Variants in NKAIN3 observed in about 807,000 individuals in gnomAD.
NKAIN3 encodes the protein sodium/potassium transporting ATPase interacting 3, also known as sodium/potassium-transporting ATPase subunit beta-1-interacting protein 3.
A neutral mutation model predicts 30.2 loss-of-function variants in NKAIN3; 25 were observed. The observed-to-expected ratio is 0.83, with a 90% CI of 0.60 to 1.16. The LOEUF is 1.16. Ranked by LOEUF, NKAIN3 falls within the 50% of genes most tolerant of loss-of-function variation. NKAIN3 has a pLI of 0.00. For missense variants in NKAIN3, 225 were observed against 254.1 expected (o/e 0.89, Z 0.78); for synonymous variants, 91 against 89.6 (o/e 1.02, Z -0.09).
chr8:62,676,092 T>C (rs1813466929), intron 3 of NKAIN3, among the ~76,000 whole-genome samples: 1 of 152,220 alleles, frequency 6.6e-6, no homozygotes, highest in African/African-American at 2.4e-5. Flanking sequence ...ATATTTCATT[T>C]AATGTTCACA....
At chr8:62,509,436 G>A (rs927548142) in intron 1 of NKAIN3, among the ~76,000 whole-genome samples, 1 of 151,962 alleles carries the variant, frequency 6.6e-6, no homozygotes, top group Admixed American at 6.6e-5. Flanking sequence ...AGCTTCCCCT[G>A]TCTGCTCCTT....
At chr8:62,949,914 C>T (rs186415772) in intron 5 of NKAIN3, among the ~76,000 whole-genome samples, 5 of 152,242 alleles carry the variant, frequency 3.3e-5, no homozygotes, top group Non-Finnish European at 5.9e-5. Flanking sequence ...TTATTCCAAC[C>T]TTCCTTTTCT....
chr8:62,904,149 C>A (rs1011514325), intron 4 of NKAIN3, among the ~76,000 whole-genome samples: 1 of 152,112 alleles, frequency 6.6e-6, no homozygotes, highest in Non-Finnish European at 1.5e-5. Flanking sequence ...TGTTTATCAT[C>A]CTGACTTAGG....
At chr8:62,807,310 C>T (rs1415147909) in intron 4 of NKAIN3, among the ~76,000 whole-genome samples, 6 of 152,046 alleles carry the variant, frequency 3.9e-5, no homozygotes, top group Non-Finnish European at 2.9e-5. Context: ...TCTCCATTAC[C>T]CCTCAAGTTG....
In NKAIN3 at chr8:62,813,719, C is replaced by G. The variant is rs971122992; in HGVS notation, c.471+66590C>G. ...TAGTGATAACATTTTATTCCTTTTT[C>G]TTACCTCATGTATTTTCTCTACCAG... On this transcript the variant is annotated intron_variant, in intron 4 of 6. Coordinates refer to ENST00000623646, the MANE Select transcript of NKAIN3 (RefSeq NM_001304533.3). Among the ~76,000 whole-genome samples the G allele has an allele frequency of 2.0e-5, 3 of 151,604 alleles. No homozygotes were observed. The South Asian group carries it at 6.2e-4, about 32-fold the overall frequency.
rs111547256 is a variant in NKAIN3, at chr8:62,641,011, A to ATT, written c.273+51228_273+51229dup. Among the ~76,000 whole-genome samples, 26 of 146,700 alleles carry ATT rather than the reference A, an allele frequency of 1.8e-4. No individual in the cohort carries two copies. In the South Asian group the frequency reaches 3.3e-3, roughly 18 times the overall value. The stretch of plus-strand genomic sequence containing the variant: ...AGAAATAGAAAAGCCTCATTTATTT[A>ATT]TTTTTTTTTTTTAGTCCCTTGCTTC... On this transcript the variant is annotated intron_variant, in intron 3 of 6. Coordinates refer to ENST00000623646, the MANE Select transcript of NKAIN3 (RefSeq NM_001304533.3).
At chr8:62,944,169 T>A (rs1823058716) in intron 5 of NKAIN3, among the ~76,000 whole-genome samples, 1 of 152,088 alleles carries the variant, frequency 6.6e-6, no homozygotes, top group African/African-American at 2.4e-5. Context: ...CATATATATA[T>A]AACTATTATT....
At chr8:62,280,527 T>C (rs577859618) in intron 1 of NKAIN3, among the ~76,000 whole-genome samples, 6 of 152,352 alleles carry the variant, frequency 3.9e-5, no homozygotes, top group East Asian at 3.9e-4. Context: ...TAAATAGCTC[T>C]TATTATTTTG....
Position 62,780,606 on chromosome 8 carries a change from T to A in NKAIN3, c.471+33477T>A, listed in dbSNP as rs2130652088. On this transcript the variant is annotated intron_variant, in intron 4 of 6. Transcript: ENST00000623646. ...ATATACCATGATCAAGTGGGATTTA[T>A]TCCAGGGATGAAGAAATGGTTCAAA... Among the ~76,000 whole-genome samples the A allele has an allele frequency of 2.0e-5, 3 of 152,260 alleles. No individual in the cohort carries two copies. The South Asian group carries it at 6.2e-4, about 32-fold the overall frequency.
chr8:62,551,087 A>G (rs1382881462), intron 1 of NKAIN3, among the ~76,000 whole-genome samples: 1 of 152,170 alleles, frequency 6.6e-6, no homozygotes, highest in East Asian at 1.9e-4. Flanking sequence ...CACATAAAGT[A>G]TTGCTTATAC....
intron 1 of NKAIN3, among the ~76,000 whole-genome samples, chr8:62,377,598 C>T (rs757207514): frequency 1.6e-4 from 25 of 152,180 alleles, no homozygotes; most frequent in South Asian, 4.2e-4. Flanking sequence ...ATTATAATCC[C>T]GTAATTCCCA....
intron 4 of NKAIN3, among the ~76,000 whole-genome samples, chr8:62,803,168 G>A (rs943579805): frequency 5.9e-5 from 9 of 152,110 alleles, no homozygotes; most frequent in African/African-American, 2.2e-4. Flanking sequence ...AATAATGGGA[G>A]ACTTTAACAC....
chr8:62,878,702 C>G (rs566338350), intron 4 of NKAIN3, among the ~76,000 whole-genome samples: 2 of 137,132 alleles, frequency 1.5e-5, no homozygotes, highest in Non-Finnish European at 3.1e-5. Flanking sequence ...GTGATGTTCC[C>G]CTTCCTGTGT....
At chr8:62,370,624 A>G (rs1399131119) in intron 1 of NKAIN3, among the ~76,000 whole-genome samples, 5 of 152,012 alleles carry the variant, frequency 3.3e-5, no homozygotes, top group Non-Finnish European at 5.9e-5. Context: ...TCTTTTCACT[A>G]GTAACTGGCC....
intron 1 of NKAIN3, among the ~76,000 whole-genome samples, chr8:62,380,960 G>A (rs545065459): frequency 1.2e-3 from 175 of 152,156 alleles, no homozygotes; most frequent in Non-Finnish European, 2.2e-3. Context: ...AAGCACAAAT[G>A]GGGACTTTAT....
In NKAIN3 at chr8:62,961,050, C is replaced by T. The variant is rs1048187340; in HGVS notation, c.604-4304C>T. ...ATCCCAGCACTCTGGGAGACCGAGG[C>T]GGGCAGATCACTTGAGGTCAGGAGT... On this transcript the variant is annotated intron_variant, in intron 6 of 6. Coordinates refer to ENST00000623646, the MANE Select transcript of NKAIN3 (RefSeq NM_001304533.3). 7.2e-5 allele frequency among the ~76,000 whole-genome samples: 11 copies of T among 152,168 alleles called. No homozygotes were observed. In the South Asian group the frequency reaches 1.9e-3, roughly 26 times the overall value.
chr8:62,293,534 G>A (rs901267356), intron 1 of NKAIN3, among the ~76,000 whole-genome samples: 2 of 152,274 alleles, frequency 1.3e-5, no homozygotes, highest in Admixed American at 1.3e-4. Context: ...TATCACCAGC[G>A]GAGGCTGCAG....
intron 5 of NKAIN3, among the ~76,000 whole-genome samples, chr8:62,935,826 A>T (rs1822767818): frequency 6.6e-6 from 1 of 152,160 alleles, no homozygotes; most frequent in African/African-American, 2.4e-5. Flanking sequence ...TCTTCTCTCA[A>T]ATCAACTGTC....
Position 62,484,039 on chromosome 8 carries a change from T to C in NKAIN3, c.55-95500T>C, listed in dbSNP as rs530570285. On this transcript the variant is annotated intron_variant, in intron 1 of 6. Transcript: ENST00000623646. The stretch of plus-strand genomic sequence containing the variant: ...GCTGACAGAGAAACACATGTTGACA[T>C]GTCTTCAGCAGATACACAAGTCGGT... Among the ~76,000 whole-genome samples the C allele has an allele frequency of 2.0e-5, 3 of 152,318 alleles. No individual in the cohort carries two copies. In the East Asian group the frequency reaches 5.8e-4, roughly 29 times the overall value.
Sources: gnomAD v4.1 joint callset for allele counts (sites outside exome capture counted in the v4.1 genomes callset) on GRCh38, gnomAD v4.1.1 for gene constraint, MANE v1.5 for transcripts, NCBI Gene and HGNC (gene_info 2026-07-23, HGNC 2026-07-21) for gene names.